The following POSTN variants were observed in gnomAD, a reference collection of about 807,000 sequenced individuals.
POSTN encodes periostin.
In POSTN, 71 loss-of-function variants were observed where a neutral mutation model predicts 104.5. The observed-to-expected ratio is 0.68, with a 90% CI of 0.56 to 0.83. The LOEUF (loss-of-function observed/expected upper bound fraction) is 0.83, where lower values mean the gene tolerates loss of function less well. Among genes scored for constraint, POSTN ranks in the 40% least tolerant of loss-of-function variants. The pLI is 0.00. For synonymous variants in POSTN, 355 were observed against 340.7 expected, an observed-to-expected ratio of 1.04 and a Z score of -0.46; for missense variants, 949 against 1,006.8, an observed-to-expected ratio of 0.94 and a Z score of 0.78.
At chr13:37,587,568 A>G (rs1950786200) in intron 5 of POSTN, among the ~76,000 whole-genome samples, 1 of 152,166 alleles carries the variant, frequency 6.6e-6, no homozygotes. Flanking sequence ...TCAACTACTA[A>G]AATTTCCTTT....
intron 18 of POSTN, chr13:37,570,887 T>C (rs574244187): frequency 2.2e-6 from 1 of 462,234 alleles, no homozygotes; most frequent in Admixed American, 3.6e-5. Flanking sequence ...GAGGGCCATT[T>C]GACATCCTAA....
At position 37,584,890 on chromosome 13, in the gene POSTN, A is replaced by C; in HGVS notation, c.934T>G (p.Ser312Ala). ...ACTGCTCCTCCCATAATAGACTCAG[A>C]ACACTGGAGAGTATTTAAGATGTGG... ...KYHILNTLQCSESIMGGAVFE... is the reference protein window; with the variant it reads ...KYHILNTLQCAESIMGGAVFE... The change falls in exon 8 of 23, where the codon TCT becomes GCT. Residue 312 changes from serine (S) to alanine (A), a missense_variant. Ser to Ala is a moderately conservative substitution (Grantham distance 99). Coordinates refer to ENST00000379747, the MANE Select transcript of POSTN (RefSeq NM_006475.3). 6.2e-7 allele frequency: 1 copy of C among 1,613,898 alleles called. No homozygotes were observed. Among genetic ancestry groups the C allele is most frequent in the Non-Finnish European group, 8.5e-7 (1 of 1,179,914 alleles).
Position 37,582,527 on chromosome 13 carries a change from T to G in POSTN, c.1244-13A>C, listed in dbSNP as rs1304184555. The G allele has an allele frequency of 6.3e-7, 1 of 1,581,984 alleles. No individual in the cohort carries two copies. Among genetic ancestry groups the G allele is most frequent in the East Asian group, 2.2e-5 (1 of 44,592 alleles). ...CTGAGAGTATCATCTGTAAATAAAT[T>G]CATTAAGAAAGAGCATTATTTTATT... On this transcript the variant is annotated splice_polypyrimidine_tract_variant and intron_variant, in intron 9 of 22. Transcript: ENST00000379747.
At chr13:37,571,113 G>T in intron 18 of POSTN, 1 of 387,530 alleles carries the variant, frequency 2.6e-6, no homozygotes, top group Non-Finnish European at 4.6e-6. Context: ...ATCCTCACTT[G>T]TATATGCAAA....
At chr13:37,594,250 T>C (rs550689244) in intron 2 of POSTN, among the ~76,000 whole-genome samples, 16 of 152,288 alleles carry the variant, frequency 1.1e-4, no homozygotes, top group Admixed American at 7.8e-4. Context: ...TTGATAATAC[T>C]TACTTGAAGT....
intron 11 of POSTN, among the ~76,000 whole-genome samples, 186 bp downstream of exon 11, chr13:37,580,375 T>C (rs1950543478): frequency 6.6e-6 from 1 of 152,226 alleles, no homozygotes; most frequent in African/African-American, 2.4e-5. Context: ...CATGAAATCA[T>C]ATAACGGTGT....
chr13:37,590,645 AC>A (rs1290716784), intron 3 of POSTN, 116 bp from the exon 4 acceptor site: 2 of 793,908 alleles, frequency 2.5e-6, no homozygotes, highest in Non-Finnish European at 3.5e-6. Context: ...TTTTAGCAAT[AC>A]AATTATATGA....
chr13:37,579,347 G>A lies in POSTN; in HGVS notation c.1673C>T (p.Ala558Val), dbSNP rs767157277. 1.3e-6 allele frequency: 2 copies of A among 1,584,112 alleles called. No individual in the cohort carries two copies. The highest frequency in any genetic ancestry group is 1.3e-5 in the African/African-American group (1 of 74,258). ...EKEILIRDKN[A>V]LQNIILYHLT... ...GTGATAAAGAATGATGTTTTGAAGA[G>A]CATTTTTGTCCCCTAGGGGAAAATA... Residue 558 changes from alanine (A) to valine (V), a missense_variant, in exon 13 of 23, where the codon GCT becomes GTT. Coordinates refer to ENST00000379747, the MANE Select transcript of POSTN (RefSeq NM_006475.3).
intron 2 of POSTN, among the ~76,000 whole-genome samples, chr13:37,593,221 C>T (rs1950994707): frequency 6.7e-6 from 1 of 150,074 alleles, no homozygotes; most frequent in African/African-American, 2.4e-5. Flanking sequence ...ATCTAATTTA[C>T]TATATTTTGA....
chr13:37,569,698 G>A lies in POSTN; in HGVS notation c.2347+46C>T, dbSNP rs996300362. ...GAATGTTATTTTAGACTTGTATATG[G>A]ATAGCTTAGGTAAAGTCACATTCTT... On this transcript the variant is annotated intron_variant, in intron 20 of 22. Transcript: ENST00000379747. 4 of 1,318,084 alleles carry A rather than the reference G, an allele frequency of 3.0e-6. No homozygotes were observed. In the South Asian group the frequency reaches 4.7e-5, roughly 16 times the overall value. The allele number at this position is 1,318,084 out of a possible 1,614,324, so 81.6% of individuals were successfully genotyped here.
rs145787730 is a variant in POSTN at position 37,580,639 on chromosome 13, G to T, written c.1451C>A (p.Ala484Glu). 5.6e-6 allele frequency: 9 copies of T among 1,613,778 alleles called. No homozygotes were observed. The highest frequency in any genetic ancestry group is 6.8e-6 in the Non-Finnish European group (8 of 1,179,908). Reference protein sequence around the residue: ...EKGSKQGRNGAIHIFREIIKP... With the variant: ...EKGSKQGRNGEIHIFREIIKP... ...GATGATCTCGCGGAATATGTGAATC[G>T]CACCGTTTCTCCCTTGCTTACTCCC... Residue 484 changes from alanine (A) to glutamate (E), a missense_variant, in exon 11 of 23, where the codon GCG (alanine) becomes GAG (glutamate). Coordinates refer to ENST00000379747, the MANE Select transcript of POSTN (RefSeq NM_006475.3).
intron 5 of POSTN, among the ~76,000 whole-genome samples, chr13:37,587,198 T>C (rs1016243698): frequency 3.3e-5 from 5 of 152,158 alleles, no homozygotes; most frequent in African/African-American, 9.7e-5. Context: ...TCATTTAAAT[T>C]ATTGCTTTTC....
rs565057368 is a variant in POSTN, at chr13:37,571,265, T to C, written c.2179+104A>G. On this transcript the variant is annotated intron_variant, in intron 18 of 22. Coordinates refer to ENST00000379747, the MANE Select transcript of POSTN (RefSeq NM_006475.3). ...AATAATTCCCACAATTTTTATAAAA[T>C]AAGAACTAAGAGAAAATATCAGATG... The C allele has an allele frequency of 1.3e-5, 10 of 749,766 alleles. No individual in the cohort carries two copies. The Admixed American group carries it at 2.7e-4, about 20-fold the overall frequency. The allele number at this position is 749,766 out of a possible 1,614,324, so 46.4% of individuals were successfully genotyped here.
intron 22 of POSTN, among the ~76,000 whole-genome samples, chr13:37,564,191 T>A (rs201505060): frequency 3.3e-5 from 2 of 61,084 alleles, no homozygotes; most frequent in East Asian, 1.5e-3. Flanking sequence ...CATATATATA[T>A]ATATATATAT....
intron 4 of POSTN, 71 bp downstream of exon 4, chr13:37,590,301 T>G: frequency 8.0e-7 from 1 of 1,244,696 alleles, no homozygotes; most frequent in Non-Finnish European, 1.1e-6. Context: ...AATATCCAAG[T>G]TAATAAGTCA....
At chr13:37,585,001 C>T in intron 7 of POSTN, 73 bp from the exon 8 acceptor site, 2 of 1,562,048 alleles carry the variant, frequency 1.3e-6, no homozygotes, top group East Asian at 4.5e-5. Flanking sequence ...AGATGTGTTT[C>T]ACTGTGGAAC....
rs748123345 is a variant in POSTN, at chr13:37,586,871, C to G, written c.664G>C (p.Val222Leu). The G allele has an allele frequency of 1.9e-6, 3 of 1,612,904 alleles. No individual in the cohort carries two copies. Among genetic ancestry groups the G allele is most frequent in the African/African-American group, 2.7e-5 (2 of 74,940 alleles). Residue 222 changes from valine (V) to leucine (L), a missense_variant, in exon 6 of 23, where the codon GTT becomes CTT. Coordinates refer to ENST00000379747, the MANE Select transcript of POSTN (RefSeq NM_006475.3). ...AGCACACGGTCAATGACATGGACAA[C>G]ACCATTTGTTGCAATCTGGTTCCCA... is the stretch of plus-strand genomic sequence containing the variant. The part of the protein sequence containing the change: ...IHGNQIATNG[V>L]VHVIDRVLTQ...
At chr13:37,565,980 A>G (rs927556585) in intron 21 of POSTN, among the ~76,000 whole-genome samples, 7 of 152,174 alleles carry the variant, frequency 4.6e-5, no homozygotes, top group Non-Finnish European at 7.4e-5. Context: ...ACTGCATCAT[A>G]GAAGTATTTA....
intron 4 of POSTN, 43 bp from the exon 5 acceptor site, chr13:37,588,029 C>T: frequency 6.8e-7 from 1 of 1,475,964 alleles, no homozygotes; most frequent in Non-Finnish European, 9.4e-7. Flanking sequence ...TATTGTGGAA[C>T]ATTAGTAAAA....
Sources: allele counts gnomAD v4.1 joint callset (sites outside exome capture counted in the v4.1 genomes callset), GRCh38; gene constraint gnomAD v4.1.1; transcripts MANE v1.5; gene names NCBI Gene and HGNC (gene_info 2026-07-23, HGNC 2026-07-21).